The following PGC variants were observed in gnomAD, a reference collection of about 807,000 sequenced individuals.
PGC encodes the protein gastricsin.
Under a neutral mutation model 45.9 loss-of-function variants are expected in PGC, and 31 were observed. The observed-to-expected ratio is 0.67, with a 90% CI of 0.51 to 0.91. The LOEUF (loss-of-function observed/expected upper bound fraction) is 0.91. Among genes scored for constraint, PGC ranks in the 40% least tolerant of loss-of-function variants. The pLI is 0.00. For missense variants in PGC, 477 were observed against 493.2 expected, an observed-to-expected ratio of 0.97 and a Z score of 0.31; for synonymous variants, 192 against 201.8, an observed-to-expected ratio of 0.95 and a Z score of 0.41.
chr6:41,741,715 G>A (rs1771828276), intron 5 of PGC: 1 of 903,318 alleles, frequency 1.1e-6, no homozygotes, highest in South Asian at 1.5e-5. Flanking sequence ...AGAAAAGCAG[G>A]CCCCAGGCCG....
chr6:41,740,395 A>G (rs1771798995), intron 6 of PGC, 96 bp downstream of exon 6: 1 of 1,444,962 alleles, frequency 6.9e-7, no homozygotes, highest in Non-Finnish European at 9.3e-7. Context: ...CCTCTGCCCC[A>G]TCCCAGAGCA....
chr6:41,743,500 T>A lies in PGC; in HGVS notation c.329-111A>T, dbSNP rs1190393157. 6.7e-6 allele frequency: 5 copies of A among 741,392 alleles called. No homozygotes were observed. In the African/African-American group the frequency reaches 6.9e-5, roughly 10 times the overall value. 45.9% of individuals were successfully genotyped at this position (741,392 alleles called of 1,614,324 possible). On this transcript the variant is annotated intron_variant, in intron 3 of 8. Transcript: ENST00000373025. ...TCTCGCTCAGGCTGCGCTCACATCCTGGGACCTCAGCACCCCTGGTTGCCA... is the reference window on the plus strand; with the variant it reads ...TCTCGCTCAGGCTGCGCTCACATCCAGGGACCTCAGCACCCCTGGTTGCCA...
chr6:41,745,917 C>G (rs959461154), intron 1 of PGC, among the ~76,000 whole-genome samples: 3 of 150,642 alleles, frequency 2.0e-5, no homozygotes, highest in Non-Finnish European at 4.4e-5. Flanking sequence ...AATCCCAGCA[C>G]TTTGGGAGGC....
intron 7 of PGC, among the ~76,000 whole-genome samples, chr6:41,739,346 A>G (rs1771780244): frequency 6.6e-6 from 1 of 152,008 alleles, no homozygotes; most frequent in South Asian, 2.1e-4. Flanking sequence ...CCCATCCTGC[A>G]CACAGCCCCA....
At chr6:41,741,163 G>A (rs1771816742) in intron 5 of PGC, 1 of 1,536,072 alleles carries the variant, frequency 6.5e-7, no homozygotes, top group Non-Finnish European at 8.7e-7. Context: ...AAGGGGGTAA[G>A]GATATTCCAT....
Position 41,739,867 on chromosome 6 carries a change from T to C in PGC, c.847A>G (p.Thr283Ala). 1.2e-6 allele frequency: 2 copies of C among 1,614,024 alleles called. No homozygotes were observed. The highest frequency in any genetic ancestry group is 1.7e-6 in the Non-Finnish European group (2 of 1,179,968). ...GCACTCATGTACTGCTGGGGCACAGTGAGCAGAGAGGTGCCTGTGTCCACG... is the reference window on the plus strand; with the variant it reads ...GCACTCATGTACTGCTGGGGCACAGCGAGCAGAGAGGTGCCTGTGTCCACG... ...AIVDTGTSLLTVPQQYMSALL... is the reference protein window; with the variant it reads ...AIVDTGTSLLAVPQQYMSALL... The change falls in exon 7 of 9, where the codon ACT becomes GCT. Residue 283 changes from threonine (T) to alanine (A), a missense_variant. Physicochemically the swap from Thr to Ala is moderately conservative, Grantham distance 58 (BLOSUM62 0). Coordinates refer to ENST00000373025, the MANE Select transcript of PGC (RefSeq NM_002630.4).
At chr6:41,747,180 A>C in intron 1 of PGC, 96 bp downstream of exon 1, 4 of 992,222 alleles carry the variant, frequency 4.0e-6, no homozygotes, top group East Asian at 2.4e-5. Context: ...GTCCCAGAGT[A>C]GAGACAGGCA....
intron 1 of PGC, among the ~76,000 whole-genome samples, chr6:41,745,840 C>T (rs543813047): frequency 4.0e-4 from 60 of 151,834 alleles, no homozygotes; most frequent in East Asian, 5.9e-4. Context: ...TGAGCCACTG[C>T]GCCCAGCCCA....
At position 41,737,754 on chromosome 6, in the gene PGC, C is replaced by CA; in HGVS notation, c.989dup (p.Pro331AlafsTer9). ...CACTGAGGATATAGGAGGAAGGTGGCAGAGGGAACTCCACACCATTGATGA... is the reference window on the plus strand; with the variant it reads ...CACTGAGGATATAGGAGGAAGGTGGCAAGAGGGAACTCCACACCATTGATGA... On this transcript the variant is annotated frameshift_variant, in exon 8 of 9. Coordinates refer to ENST00000373025, the MANE Select transcript of PGC (RefSeq NM_002630.4). LOFTEE classifies it high-confidence loss of function. The CA allele has an allele frequency of 6.2e-7, 1 of 1,607,862 alleles. No individual in the cohort carries two copies. Among genetic ancestry groups the CA allele is most frequent in the East Asian group, 2.2e-5 (1 of 44,856 alleles).
At chr6:41,738,203 CATATATATAT>C (rs1771742779) in intron 7 of PGC, among the ~76,000 whole-genome samples, 2 of 10,868 alleles carry the variant, frequency 1.8e-4, no homozygotes, top group Non-Finnish European at 9.7e-4. Flanking sequence ...TATATATATG[CATATATATAT>C]GCATATATAT....
At chr6:41,741,786 G>C (rs747132375) in intron 5 of PGC, 1 of 1,533,950 alleles carries the variant, frequency 6.5e-7, no homozygotes, top group South Asian at 1.2e-5. Flanking sequence ...TGACTGGCAA[G>C]GATAACAACC....
At chr6:41,745,245 T>C (rs902435653) in intron 1 of PGC, among the ~76,000 whole-genome samples, 11 of 6,816 alleles carry the variant, frequency 1.6e-3, no homozygotes, top group East Asian at 0.015. Context: ...GATATGTACT[T>C]TTTTTTTTTT....
At position 41,744,619 on chromosome 6, in the gene PGC, C is replaced by T; in HGVS notation, c.210+39G>A. 1 of 1,611,228 alleles carries T rather than the reference C, an allele frequency of 6.2e-7. No homozygotes were observed. ...ACCTGCCCCTTCCCTCCAGCCCACA[C>T]CAGAGAGAAGGCTACCGCCAGAAAG... is the stretch of plus-strand genomic sequence containing the variant. On this transcript the variant is annotated intron_variant, in intron 2 of 8. Transcript: ENST00000373025. This position sits in a 1 kb window ranked among gnomAD's most constrained non-coding sequence, Gnocchi z 4.4.
In PGC at chr6:41,744,500, A is replaced by G. The variant is rs1771890238; in HGVS notation, c.225T>C (p.Gly75=). 1.2e-6 allele frequency: 2 copies of G among 1,610,030 alleles called. No individual in the cohort carries two copies. Among genetic ancestry groups the G allele is most frequent in the Non-Finnish European group, 1.7e-6 (2 of 1,176,548 alleles). The change falls in exon 3 of 9, where the codon GGT becomes GGC. Residue 75 remains glycine, a synonymous_variant. Transcript: ENST00000373025. The surrounding 1 kb of genome is among the most constrained non-coding windows in gnomAD (Gnocchi z 4.4). The stretch of plus-strand genomic sequence containing the variant: ...GGGGTGGAGTCCCGATGCTGATCTC[A>G]CCAAAGTAGGCAGCCTGGGGGCCAT... ...PMAYMDAAYF[G]EISIGTPPQN...
Position 41,743,408 on chromosome 6 carries a change from A to G in PGC, c.329-19T>C, listed in dbSNP as rs1011084743. ...TGACTGGCTGCAGGGGAGTCAGGGC[A>G]TGGGGAGTCAGGCCGGCTGGGGCAG... On this transcript the variant is annotated intron_variant, in intron 3 of 8. Coordinates refer to ENST00000373025, the MANE Select transcript of PGC (RefSeq NM_002630.4). The G allele has an allele frequency of 6.6e-7, 1 of 1,509,918 alleles. No homozygotes were observed. 93.5% of individuals were successfully genotyped at this position (1,509,918 alleles called of 1,614,324 possible).
chr6:41,742,546 G>A (rs1771850236), intron 4 of PGC, 57 bp from the exon 5 acceptor site: 2 of 1,337,380 alleles, frequency 1.5e-6, no homozygotes, highest in Non-Finnish European at 2.2e-6. Flanking sequence ...ACCTCCTCCA[G>A]GTTCCCCTAG....
At chr6:41,747,230 G>C in intron 1 of PGC, 46 bp downstream of exon 1, 1 of 1,556,424 alleles carries the variant, frequency 6.4e-7, no homozygotes, top group Non-Finnish European at 8.9e-7. Context: ...AGGGCTTTAG[G>C]CTCCCATCCA....
chr6:41,737,347 C>T (rs1771705544), intron 8 of PGC, among the ~76,000 whole-genome samples: 1 of 152,182 alleles, frequency 6.6e-6, no homozygotes, highest in African/African-American at 2.4e-5. Context: ...GCTGTGTCGC[C>T]TTGAGTCAGT....
At chr6:41,741,786 G>A in intron 5 of PGC, 1 of 1,533,950 alleles carries the variant, frequency 6.5e-7, no homozygotes, top group South Asian at 1.2e-5. Flanking sequence ...TGACTGGCAA[G>A]GATAACAACC....
Sources: allele counts gnomAD v4.1 joint callset (sites outside exome capture counted in the v4.1 genomes callset), GRCh38; gene constraint gnomAD v4.1.1; non-coding constraint Gnocchi (gnomAD v3.1); transcripts MANE v1.5; gene names NCBI Gene and HGNC (gene_info 2026-07-23, HGNC 2026-07-21).